TTPA: variants seen among roughly 807,000 people sequenced by gnomAD.
TTPA encodes alpha-tocopherol transfer protein.
A neutral mutation model predicts 25.9 loss-of-function variants in TTPA; 23 were observed. The ratio of observed to expected loss-of-function variants is 0.89; its 90% confidence interval spans 0.64 to 1.26. The LOEUF (loss-of-function observed/expected upper bound fraction) is 1.26, where lower values mean the gene tolerates loss of function less well. Among genes scored for constraint, TTPA ranks in the 50% most tolerant of loss-of-function variants. TTPA has a pLI of 0.00. For missense variants in TTPA, 337 were observed against 353.1 expected, an observed-to-expected ratio of 0.95 and a Z score of 0.37; for synonymous variants, 148 against 137.3, an observed-to-expected ratio of 1.08 and a Z score of -0.54.
chr8:63,064,729 T>C (rs771943163), intron 3 of TTPA, among the ~76,000 whole-genome samples: 13 of 152,214 alleles, frequency 8.5e-5, no homozygotes, highest in Middle Eastern at 3.2e-3. Context: ...CTTTTAAACT[T>C]TGACATTGGT....
At chr8:63,073,428 G>C (rs560595296) in intron 1 of TTPA, among the ~76,000 whole-genome samples, 1 of 152,122 alleles carries the variant, frequency 6.6e-6, no homozygotes, top group East Asian at 1.9e-4. Context: ...ATCTAGGCTG[G>C]CCTTCCACCT....
chr8:63,082,840 A>G (rs1805685600), intron 1 of TTPA, among the ~76,000 whole-genome samples: 1 of 152,238 alleles, frequency 6.6e-6, no homozygotes, highest in African/African-American at 2.4e-5. Context: ...ATGAACAGAC[A>G]CTTCTCAAAA....
chr8:63,072,990 A>G lies in TTPA; in HGVS notation c.303T>C (p.His101=). The change falls in exon 2 of 5, where the codon CAT becomes CAC. Residue 101 remains histidine (H), a synonymous_variant. Transcript: ENST00000260116. ...SIIGLLKAGY[H]GVLRSRDPTG... ...TGGGATCCCTGGATCTCAGGACTCC[A>G]TGGTAGCCAGCCTTTAGGAGGCCAA... 1 of 1,614,100 alleles carries G rather than the reference A, an allele frequency of 6.2e-7. No homozygotes were observed. Among genetic ancestry groups the G allele is most frequent in the South Asian group, 1.1e-5 (1 of 91,082 alleles).
chr8:63,081,251 T>C (rs1254839702), intron 1 of TTPA, among the ~76,000 whole-genome samples: 2 of 152,056 alleles, frequency 1.3e-5, no homozygotes, highest in African/African-American at 2.4e-5. Context: ...AATAAAATAC[T>C]GGCAAACCGA....
At chr8:63,066,178 T>C (rs947008685) in intron 2 of TTPA, 81 bp from the exon 3 acceptor site, 3 of 1,337,328 alleles carry the variant, frequency 2.2e-6, no homozygotes, top group Admixed American at 3.9e-5. Context: ...ATTCATTTTA[T>C]TCTTAAAAGA....
intron 3 of TTPA, among the ~76,000 whole-genome samples, chr8:63,065,256 T>C (rs1805371097): frequency 6.6e-6 from 1 of 152,182 alleles, no homozygotes; most frequent in East Asian, 1.9e-4. Flanking sequence ...CTCACTTCAC[T>C]ACTGGCAAAC....
At chr8:63,080,638 G>A (rs1346537601) in intron 1 of TTPA, among the ~76,000 whole-genome samples, 1 of 151,054 alleles carries the variant, frequency 6.6e-6, no homozygotes, top group Admixed American at 6.6e-5. Flanking sequence ...GGAGAATGGC[G>A]TGAACCCAGG....
chr8:63,063,080 T>C (rs1805334201), intron 4 of TTPA, among the ~76,000 whole-genome samples: 1 of 152,234 alleles, frequency 6.6e-6, no homozygotes, highest in Non-Finnish European at 1.5e-5. Context: ...TTTCTTAATA[T>C]GAAAGAACAT....
chr8:63,084,447 A>G (rs1805715288), intron 1 of TTPA, among the ~76,000 whole-genome samples: 2 of 152,242 alleles, frequency 1.3e-5, no homozygotes, highest in Non-Finnish European at 2.9e-5. Flanking sequence ...ATGAACAGCA[A>G]TAAGCCCTAA....
intron 1 of TTPA, 125 bp from the exon 2 acceptor site, chr8:63,073,213 G>C (rs756753417): frequency 3.8e-6 from 3 of 779,516 alleles, no homozygotes; most frequent in Non-Finnish European, 6.3e-6. Flanking sequence ...TTAATCTAGG[G>C]TATCTTTTCA....
chr8:63,066,454 G>T lies in TTPA; in HGVS notation c.359-357C>A, dbSNP rs573085717. Among the ~76,000 whole-genome samples the T allele has an allele frequency of 5.3e-5, 8 of 152,296 alleles. No individual in the cohort carries two copies. The South Asian group carries it at 1.7e-3, about 32-fold the overall frequency. The stretch of plus-strand genomic sequence containing the variant: ...AAAGCAAGGGCCTGGATTATAAAGA[G>T]TAATTAGGGCCCCATAGTAACTAAA... On this transcript the variant is annotated intron_variant, in intron 2 of 4. Coordinates refer to ENST00000260116, the MANE Select transcript of TTPA (RefSeq NM_000370.3).
intron 1 of TTPA, among the ~76,000 whole-genome samples, chr8:63,085,218 T>C (rs1046740083): frequency 6.6e-6 from 1 of 152,206 alleles, no homozygotes; most frequent in African/African-American, 2.4e-5. Flanking sequence ...TTCCATCACC[T>C]TTTCTTTCAG....
At chr8:63,067,510 A>C (rs1199414955) in intron 2 of TTPA, among the ~76,000 whole-genome samples, 2 of 152,004 alleles carry the variant, frequency 1.3e-5, no homozygotes, top group African/African-American at 4.8e-5. Context: ...AAAAAGAAAA[A>C]AAAATCATAA....
At chr8:63,081,222 C>T (rs1805658829) in intron 1 of TTPA, among the ~76,000 whole-genome samples, 1 of 152,056 alleles carries the variant, frequency 6.6e-6, no homozygotes, top group South Asian at 2.1e-4. Flanking sequence ...CCCTGATGAA[C>T]ATCGATGCAA....
chr8:63,083,528 C>G (rs945881720), intron 1 of TTPA, among the ~76,000 whole-genome samples: 1 of 151,824 alleles, frequency 6.6e-6, no homozygotes, highest in Non-Finnish European at 1.5e-5. Context: ...GGAGAAATAC[C>G]TAATGTAAAT....
At chr8:63,080,305 A>T (rs1335065171) in intron 1 of TTPA, among the ~76,000 whole-genome samples, 1 of 152,252 alleles carries the variant, frequency 6.6e-6, no homozygotes, top group East Asian at 1.9e-4. Context: ...GCAGAAGATA[A>T]GAAACAACTA....
At chr8:63,082,963 T>A (rs189880198) in intron 1 of TTPA, among the ~76,000 whole-genome samples, 1 of 152,130 alleles carries the variant, frequency 6.6e-6, no homozygotes, top group East Asian at 1.9e-4. Context: ...GTTAGAATGG[T>A]GATCATTGAA....
intron 1 of TTPA, among the ~76,000 whole-genome samples, chr8:63,079,939 A>C (rs1054897042): frequency 2.0e-5 from 3 of 152,218 alleles, no homozygotes; most frequent in African/African-American, 7.2e-5. Context: ...TCCTTAGCAA[A>C]TGTAAAAGAA....
At chr8:63,079,878 C>T (rs1805633149) in intron 1 of TTPA, among the ~76,000 whole-genome samples, 1 of 152,214 alleles carries the variant, frequency 6.6e-6, no homozygotes, top group Non-Finnish European at 1.5e-5. Context: ...TTCTTCTCAG[C>T]ACCACATCAC....
Sources: allele counts gnomAD v4.1 joint callset (sites outside exome capture counted in the v4.1 genomes callset), GRCh38; gene constraint gnomAD v4.1.1; transcripts MANE v1.5; gene names NCBI Gene and HGNC (gene_info 2026-07-23, HGNC 2026-07-21).